Variants in THSD4 observed in about 807,000 individuals in gnomAD.
The protein encoded by THSD4 is thrombospondin type 1 domain containing 4.
A neutral mutation model predicts 119.0 loss-of-function variants in THSD4; 69 were observed. The ratio of observed to expected loss-of-function variants is 0.58; its 90% CI spans 0.48 to 0.71. The LOEUF is 0.71. Ranked by LOEUF, THSD4 falls within the 30% of genes least tolerant of loss-of-function variation. The pLI is 0.00. For synonymous variants in THSD4, 524 were observed against 540.4 expected, an observed-to-expected ratio of 0.97 and a Z score of 0.42; for missense variants, 1,393 against 1,391.1, an observed-to-expected ratio of 1.00 and a Z score of -0.02.
intron 7 of THSD4, chr15:71,547,342 G>C (rs1453868638): frequency 6.5e-7 from 1 of 1,544,452 alleles, no homozygotes; most frequent in South Asian, 1.2e-5. Context: ...AGACACAAGT[G>C]CATCTGCTAG....
chr15:71,664,650 C>T (rs1180054493), intron 8 of THSD4, among the ~76,000 whole-genome samples: 1 of 152,038 alleles, frequency 6.6e-6, no homozygotes, highest in Admixed American at 6.6e-5. Context: ...CCTTTCCCTC[C>T]TCCCACCCTC....
chr15:71,125,193 T>C (rs2040443313), intron 1 of THSD4, among the ~76,000 whole-genome samples: 1 of 152,162 alleles, frequency 6.6e-6, no homozygotes, highest in South Asian at 2.1e-4. Flanking sequence ...TTTTATACCC[T>C]ACACTGGTTT....
intron 6 of THSD4, among the ~76,000 whole-genome samples, chr15:71,316,797 A>G (rs1469827435): frequency 6.6e-6 from 1 of 152,226 alleles, no homozygotes; most frequent in Non-Finnish European, 1.5e-5. Flanking sequence ...TTCTGAGAAC[A>G]CAAATGTAAT....
chr15:71,378,420 G>A (rs2046179989), intron 6 of THSD4, among the ~76,000 whole-genome samples: 2 of 152,152 alleles, frequency 1.3e-5, no homozygotes, highest in African/African-American at 4.8e-5. Context: ...ATCAGAATGG[G>A]CACTGGTTGA....
intron 7 of THSD4, among the ~76,000 whole-genome samples, chr15:71,587,800 G>GAAAAAAAAAAAAAAAAAAAAAAAA (rs1555429620): frequency 2.6e-5 from 1 of 39,144 alleles, no homozygotes; most frequent in Non-Finnish European, 5.9e-5. Context: ...AAAAAAAAAA[G>GAAAAAAAAAAAAAAAAAAAAAAAA]AAAAAAAAAA....
intron 6 of THSD4, among the ~76,000 whole-genome samples, chr15:71,407,589 C>T (rs2046625187): frequency 1.6e-5 from 1 of 63,292 alleles, no homozygotes; most frequent in Admixed American, 2.5e-4. Flanking sequence ...CTTGTATAGT[C>T]ACCAGCATTT....
intron 7 of THSD4, among the ~76,000 whole-genome samples, chr15:71,541,228 A>C (rs536905699): frequency 6.6e-6 from 1 of 152,228 alleles, no homozygotes; most frequent in Non-Finnish European, 1.5e-5. Context: ...ACATCAACCC[A>C]ACATAAAAAT....
intron 2 of THSD4, among the ~76,000 whole-genome samples, chr15:71,147,968 CAAAAAAAAAAAAAA>C (rs57726176): frequency 1.6e-4 from 5 of 32,144 alleles, no homozygotes; most frequent in Non-Finnish European, 3.0e-4. Flanking sequence ...GACTCTGTCT[CAAAAAAAAAAAAAA>C]AAAAAAAAAA....
At chr15:71,135,694 C>T (rs1285375218) in intron 1 of THSD4, among the ~76,000 whole-genome samples, 1 of 152,176 alleles carries the variant, frequency 6.6e-6, no homozygotes, top group Non-Finnish European at 1.5e-5. Context: ...TGGCAGCCTT[C>T]TCCAGCCAAA....
At chr15:71,281,269 CT>C (rs1459609505) in intron 6 of THSD4, among the ~76,000 whole-genome samples, 2 of 152,234 alleles carry the variant, frequency 1.3e-5, no homozygotes, top group African/African-American at 4.8e-5. Context: ...TGTAACAATG[CT>C]TGTTAATTAA....
At chr15:71,466,226 T>G (rs2047497746) in intron 7 of THSD4, among the ~76,000 whole-genome samples, 1 of 151,610 alleles carries the variant, frequency 6.6e-6, no homozygotes, top group Non-Finnish European at 1.5e-5. Context: ...GTAGCTGTAG[T>G]CCCAGCTACT....
At chr15:71,111,111 G>A (rs927900083), upstream of THSD4, 29 of 1,568,640 alleles carry the variant, frequency 1.8e-5, no homozygotes, top group Non-Finnish European at 2.4e-5. Flanking sequence ...GAATATCTGG[G>A]ATTCCAAAAG....
intron 7 of THSD4, among the ~76,000 whole-genome samples, chr15:71,516,514 G>C (rs908788626): frequency 6.6e-6 from 1 of 152,126 alleles, no homozygotes; most frequent in Non-Finnish European, 1.5e-5. Context: ...ATAAATTCAA[G>C]TCATTTGCCA....
At chr15:71,346,036 G>GT (rs2045656086) in intron 6 of THSD4, among the ~76,000 whole-genome samples, 1 of 152,100 alleles carries the variant, frequency 6.6e-6, no homozygotes, top group South Asian at 2.1e-4. Flanking sequence ...AAACATTCAA[G>GT]TTTCACCAGT....
intron 7 of THSD4, among the ~76,000 whole-genome samples, chr15:71,534,050 C>A (rs1261150216): frequency 6.6e-6 from 1 of 152,124 alleles, no homozygotes; most frequent in African/African-American, 2.4e-5. Context: ...TACATCAGCG[C>A]GATCCCAGCT....
At chr15:71,214,272 C>T (rs1247139399) in intron 3 of THSD4, among the ~76,000 whole-genome samples, 1 of 152,146 alleles carries the variant, frequency 6.6e-6, no homozygotes, top group Non-Finnish European at 1.5e-5. Context: ...CCCTCCAGTC[C>T]CTCCCAGCCA....
chr15:71,490,328 AG>A (rs1194212652), intron 7 of THSD4, among the ~76,000 whole-genome samples: 2 of 152,160 alleles, frequency 1.3e-5, no homozygotes, highest in Non-Finnish European at 2.9e-5. Flanking sequence ...TGGGACGCCA[AG>A]GCAGGCAGAT....
chr15:71,303,857 C>G (rs1381754171), intron 6 of THSD4, among the ~76,000 whole-genome samples: 1 of 152,154 alleles, frequency 6.6e-6, no homozygotes, highest in Non-Finnish European at 1.5e-5. Flanking sequence ...CCAGACCCCT[C>G]CCAGGAGTTC....
chr15:71,274,738 G>A (rs1422908895), intron 6 of THSD4, among the ~76,000 whole-genome samples: 2 of 152,166 alleles, frequency 1.3e-5, no homozygotes, highest in Non-Finnish European at 2.9e-5. Flanking sequence ...TGTAGGATAT[G>A]AGAAAGGAAA....
Sources: gnomAD v4.1 joint callset for allele counts (sites outside exome capture counted in the v4.1 genomes callset) on GRCh38, gnomAD v4.1.1 for gene constraint, MANE v1.5 for transcripts, NCBI Gene and HGNC (gene_info 2026-07-23, HGNC 2026-07-21) for gene names.